The following TTC28 variants were observed in gnomAD, a reference collection of about 807,000 sequenced individuals.
TTC28 encodes the protein tetratricopeptide repeat domain 28.
Under a neutral mutation model 198.0 loss-of-function variants are expected in TTC28, and 61 were observed. That is an observed-to-expected ratio of 0.31 (90% CI 0.25 to 0.38). The LOEUF is 0.38. Among genes scored for constraint, TTC28 ranks in the 10% least tolerant of loss-of-function variants. The pLI is 1.00. For synonymous variants in TTC28, 1,171 were observed against 1,297.8 expected, an observed-to-expected ratio of 0.90 and a Z score of 2.10; for missense variants, 2,678 against 3,164.0, an observed-to-expected ratio of 0.85 and a Z score of 3.69.
intron 2 of TTC28, among the ~76,000 whole-genome samples, chr22:28,408,089 C>T (rs532254175): frequency 3.3e-5 from 5 of 151,860 alleles, no homozygotes; most frequent in Admixed American, 6.5e-5. Flanking sequence ...TTTTTATAAA[C>T]ACATTTTTAT....
chr22:28,176,101 T>C (rs2147093742), intron 5 of TTC28, among the ~76,000 whole-genome samples: 1 of 152,346 alleles, frequency 6.6e-6, no homozygotes, highest in Non-Finnish European at 1.5e-5. Context: ...TCAAGGAGAT[T>C]ACCTGCATTC....
chr22:28,478,190 G>C (rs901320917), intron 2 of TTC28, among the ~76,000 whole-genome samples: 1 of 152,132 alleles, frequency 6.6e-6, no homozygotes, highest in African/African-American at 2.4e-5. Flanking sequence ...TTCTTTTCTA[G>C]CTGTAGTAAT....
chr22:28,363,344 C>T (rs930581136), intron 2 of TTC28, among the ~76,000 whole-genome samples: 1 of 152,136 alleles, frequency 6.6e-6, no homozygotes, highest in Non-Finnish European at 1.5e-5. Context: ...TGCAGGTGCA[C>T]AGAAGTCAAG....
chr22:28,163,193 A>G lies in TTC28; in HGVS notation c.1340T>C (p.Met447Thr). The change falls in exon 6 of 23, where the codon ATG (methionine) becomes ACG (threonine). Residue 447 changes from methionine to threonine, a missense_variant. Physicochemically the swap from Met to Thr is moderately conservative, Grantham distance 81. Coordinates refer to ENST00000397906, the MANE Select transcript of TTC28 (RefSeq NM_001145418.2). ...YAGLGHAARC[M>T]QDLERAKQYH... Reference sequence around the variant, plus strand: ...TTGTTTAGCTCTCTCCAAATCCTGCATGCACCTGGCAGCATGGCCTAGTCC... The same window carrying G: ...TTGTTTAGCTCTCTCCAAATCCTGCGTGCACCTGGCAGCATGGCCTAGTCC... 1 of 1,551,734 alleles carries G rather than the reference A, an allele frequency of 6.4e-7. No homozygotes were observed.
chr22:28,536,048 A>C (rs1325834744), intron 2 of TTC28, among the ~76,000 whole-genome samples: 1 of 151,568 alleles, frequency 6.6e-6, no homozygotes, highest in Non-Finnish European at 1.5e-5. Flanking sequence ...AATACAAAAA[A>C]TTAGCTTGGC....
intron 1 of TTC28, among the ~76,000 whole-genome samples, chr22:28,655,229 A>C (rs1601669392): frequency 6.6e-6 from 1 of 152,216 alleles, no homozygotes; most frequent in Non-Finnish European, 1.5e-5. Context: ...CCTACCCTAT[A>C]GATTACAGAC....
intron 5 of TTC28, among the ~76,000 whole-genome samples, chr22:28,295,626 C>T (rs754721065): frequency 2.6e-5 from 4 of 152,136 alleles, no homozygotes; most frequent in Non-Finnish European, 5.9e-5. Context: ...GACACCAAAC[C>T]TCACCTTCTT....
intron 13 of TTC28, among the ~76,000 whole-genome samples, chr22:28,018,299 G>GTGTGTGTGTGTGCGCGCGCGCGCA (rs1938456097): frequency 2.0e-5 from 2 of 101,376 alleles, no homozygotes; most frequent in African/African-American, 8.8e-5. Context: ...GCGCGTGTGT[G>GTGTGTGTGTGTGCGCGCGCGCGCA]CGCGCGCGGG....
chr22:28,135,181 T>G (rs1229413865), intron 6 of TTC28, among the ~76,000 whole-genome samples: 1 of 151,992 alleles, frequency 6.6e-6, no homozygotes, highest in Non-Finnish European at 1.5e-5. Context: ...GAGGTAGGGG[T>G]GGGGGACTGC....
chr22:28,445,571 C>T (rs112815629), intron 2 of TTC28, among the ~76,000 whole-genome samples: 4 of 152,258 alleles, frequency 2.6e-5, no homozygotes, highest in African/African-American at 7.2e-5. Context: ...TCTGAGCTCA[C>T]CTTTTACCCT....
At chr22:28,284,070 G>A (rs904102823) in intron 5 of TTC28, among the ~76,000 whole-genome samples, 1 of 152,106 alleles carries the variant, frequency 6.6e-6, no homozygotes, top group South Asian at 2.1e-4. Flanking sequence ...CAAACCAACA[G>A]GCATTTATCA....
rs116968780 is a variant in TTC28, at chr22:28,377,643, A to G, written c.382-71000T>C. On this transcript the variant is annotated intron_variant, in intron 2 of 22. Coordinates refer to ENST00000397906, the MANE Select transcript of TTC28 (RefSeq NM_001145418.2). ...ATTCCCTCAATAGTGAGGCAAAATT[A>G]ACGTAGACCAAAGGCTACTCTGGTC... is the stretch of plus-strand genomic sequence containing the variant. 3.3e-4 allele frequency among the ~76,000 whole-genome samples: 51 copies of G among 152,328 alleles called. No homozygotes were observed. The East Asian group carries it at 8.1e-3, about 24-fold the overall frequency.
Position 28,105,160 on chromosome 22 carries a change from C to T in TTC28, c.3307+119G>A, listed in dbSNP as rs568131960. 3 of 1,081,324 alleles carry T rather than the reference C, an allele frequency of 2.8e-6. No individual in the cohort carries two copies. The South Asian group carries it at 4.9e-5, about 18-fold the overall frequency. 67.0% of individuals were successfully genotyped at this position (1,081,324 alleles called of 1,614,324 possible). The stretch of plus-strand genomic sequence containing the variant: ...TGAACTGACAATGTGGCCTCTGAGA[C>T]CCTTACTCCACACAGAGGTGGCCAT... On this transcript the variant is annotated intron_variant, in intron 8 of 22. Transcript: ENST00000397906.
intron 2 of TTC28, among the ~76,000 whole-genome samples, chr22:28,589,296 C>G (rs1052372826): frequency 6.6e-6 from 1 of 152,190 alleles, no homozygotes; most frequent in African/African-American, 2.4e-5. Context: ...ATAGGCCAAA[C>G]AGAAATGGAG....
Position 28,591,955 on chromosome 22 carries a change from C to T in TTC28, c.381+37597G>A, listed in dbSNP as rs540604303. Among the ~76,000 whole-genome samples the T allele has an allele frequency of 4.6e-5, 7 of 151,848 alleles. No individual in the cohort carries two copies. In the South Asian group the frequency reaches 8.3e-4, roughly 18 times the overall value. On this transcript the variant is annotated intron_variant, in intron 2 of 22. Transcript: ENST00000397906. ...AATATGAATAAAAGATGGTAGAGGG[C>T]GGAGCTGGGGGGAGGGTGGGCCTGA...
intron 5 of TTC28, among the ~76,000 whole-genome samples, chr22:28,232,488 T>G (rs1178932441): frequency 6.6e-6 from 1 of 152,196 alleles, no homozygotes; most frequent in Non-Finnish European, 1.5e-5. Context: ...TAGAGAAAGC[T>G]GCTAGTCCTT....
intron 2 of TTC28, among the ~76,000 whole-genome samples, chr22:28,430,036 A>ATTTTTTTTTTTTTTTTTTTTTTT (rs919396993): frequency 2.7e-5 from 3 of 109,994 alleles, no homozygotes; most frequent in Non-Finnish European, 5.5e-5. Flanking sequence ...CTGGAATATG[A>ATTTTTTTTTTTTTTTTTTTTTTT]TTTTTTTTTT....
At chr22:28,432,273 G>A (rs1382612909) in intron 2 of TTC28, among the ~76,000 whole-genome samples, 3 of 151,440 alleles carry the variant, frequency 2.0e-5, no homozygotes, top group Non-Finnish European at 4.4e-5. Context: ...GTGACAGAGC[G>A]AGACTCTGTC....
chr22:28,259,062 T>G (rs1931147840), intron 5 of TTC28, among the ~76,000 whole-genome samples: 1 of 152,146 alleles, frequency 6.6e-6, no homozygotes, highest in Non-Finnish European at 1.5e-5. Flanking sequence ...GAAATCTGGT[T>G]GTCTATCAGT....
Sources: gnomAD v4.1 joint callset for allele counts (sites outside exome capture counted in the v4.1 genomes callset) on GRCh38, gnomAD v4.1.1 for gene constraint, MANE v1.5 for transcripts, NCBI Gene and HGNC (gene_info 2026-07-23, HGNC 2026-07-21) for gene names.